The following CFHR4 variants were observed in gnomAD, a reference collection of about 807,000 sequenced individuals.
CFHR4 encodes complement factor H related 4.
CFHR4 carries 64 observed loss-of-function variants against 69.3 expected under a neutral mutation model. That is an observed-to-expected ratio of 0.92 (90% CI 0.76 to 1.14). CFHR4 has a LOEUF of 1.14. Among genes scored for constraint, CFHR4 ranks in the 50% most tolerant of loss-of-function variants. The pLI, the probability that CFHR4 is intolerant of heterozygous loss-of-function variation, is 0.00. For missense variants in CFHR4, 636 were observed against 684.9 expected (o/e 0.93, Z 0.80); for synonymous variants, 244 against 237.0 (o/e 1.03, Z -0.27).
intron 1 of CFHR4, among the ~76,000 whole-genome samples, chr1:196,899,628 G>T (rs1657490679): frequency 6.6e-6 from 1 of 151,512 alleles, no homozygotes; most frequent in South Asian, 2.1e-4. Flanking sequence ...GGTAGCTATT[G>T]TAACTGTGAA....
chr1:196,906,990 C>T lies in CFHR4; in HGVS notation c.569C>T (p.Ser190Phe). Residue 190 changes from serine (S) to phenylalanine (F), a missense_variant, in exon 4 of 10, where the codon TCC becomes TTC. Physicochemically the swap from Ser to Phe is radical, Grantham distance 155. Transcript: ENST00000608469. ...YESSYGNTTD[S>F]IVCGEDGWSH... is the part of the protein sequence containing the mutation. ...AGCAGTTATGGAAACACCACAGATT[C>T]CATAGTGTGTGGTGAAGATGGCTGG... 1 of 1,612,308 alleles carries T rather than the reference C, an allele frequency of 6.2e-7. No homozygotes were observed. The highest frequency in any genetic ancestry group is 8.5e-7 in the Non-Finnish European group (1 of 1,179,388).
rs1039940961 is a variant in CFHR4, at chr1:196,901,712, C to T, written c.59-706C>T. 1.6e-4 allele frequency among the ~76,000 whole-genome samples: 24 copies of T among 150,950 alleles called. 2 individuals are homozygous for T. The highest frequency in any genetic ancestry group is 5.6e-4 in the African/African-American group (23 of 40,844). On this transcript the variant is annotated intron_variant, in intron 1 of 9. Transcript: ENST00000608469. ...TGCTTAAACATATATGTCAAATATT[C>T]AATATACACAAATTCCTCAATAAAC... is the stretch of plus-strand genomic sequence containing the variant.
At chr1:196,903,530 G>A (rs974855620) in intron 2 of CFHR4, among the ~76,000 whole-genome samples, 2 of 151,218 alleles carry the variant, frequency 1.3e-5, no homozygotes, top group Non-Finnish European at 1.5e-5. Flanking sequence ...GCACATGCCT[G>A]TAATCCCAGC....
chr1:196,910,570 A>G, intron 6 of CFHR4, 92 bp downstream of exon 6: 1 of 1,066,362 alleles, frequency 9.4e-7, no homozygotes, highest in Non-Finnish European at 1.4e-6. Context: ...CTTATATGAC[A>G]GAGATGGTAC....
In CFHR4 at chr1:196,914,911, A is replaced by G; in HGVS notation, c.1358-45A>G. The G allele has an allele frequency of 4.4e-6, 7 of 1,593,168 alleles. 1 individual carries two copies. The East Asian group carries it at 6.7e-5, about 15-fold the overall frequency. On this transcript the variant is annotated intron_variant, in intron 8 of 9. Transcript: ENST00000608469. ...AAAAGCTTTATTTAGAAAGTTTCCA[A>G]TAAGACTATTGATTTTTCCCCACAT...
At chr1:196,899,827 T>C (rs533498587) in intron 1 of CFHR4, among the ~76,000 whole-genome samples, 1 of 151,724 alleles carries the variant, frequency 6.6e-6, no homozygotes, top group Non-Finnish European at 1.5e-5. Flanking sequence ...ATTGACTGGT[T>C]TGATGATTTA....
rs146428880 is a variant in CFHR4, at chr1:196,898,438, A to C, written c.59-3980A>C. Among the ~76,000 whole-genome samples the C allele has an allele frequency of 1.7e-3, 252 of 151,710 alleles. 9 individuals carry two copies. Among genetic ancestry groups the C allele is most frequent in the African/African-American group, 5.9e-3 (245 of 41,208 alleles). On this transcript the variant is annotated intron_variant, in intron 1 of 9. Coordinates refer to ENST00000608469, the MANE Select transcript of CFHR4 (RefSeq NM_001201550.3). ...AGTTTTGAGAAGTCTTTGCTTTCCA[A>C]AGTAGATAATTCTAAGTAGAATTTA...
rs1558249921 is a variant in CFHR4 at position 196,912,804 on chromosome 1, T to C, written c.1062T>C (p.Tyr354=). The change falls in exon 7 of 10, where the codon TAT becomes TAC. Residue 354 remains tyrosine (Y), a synonymous_variant. Coordinates refer to ENST00000608469, the MANE Select transcript of CFHR4 (RefSeq NM_001201550.3). ...TCATTTCTGAATCTTCCTCTATTTA[T>C]ATTTTAAATAAAGAAATACAATATA... ...NGFISESSSI[Y]ILNKEIQYKC... is the part of the protein sequence containing the mutation. 2 of 1,599,252 alleles carry C rather than the reference T, an allele frequency of 1.3e-6. No homozygotes were observed. Among genetic ancestry groups the C allele is most frequent in the Non-Finnish European group, 8.5e-7 (1 of 1,172,746 alleles).
rs1295433236 is a variant in CFHR4 at position 196,915,419 on chromosome 1, C to T, written c.1540+281C>T. 2.0e-4 allele frequency among the ~76,000 whole-genome samples: 30 copies of T among 151,154 alleles called. 1 individual carries two copies. Among genetic ancestry groups the T allele is most frequent in the Admixed American group, 1.4e-3 (21 of 15,162 alleles). On this transcript the variant is annotated intron_variant, in intron 9 of 9. Coordinates refer to ENST00000608469, the MANE Select transcript of CFHR4 (RefSeq NM_001201550.3). The stretch of plus-strand genomic sequence containing the variant: ...TTGGAAGGCCGAGGCAGGCAGATCA[C>T]GAGGTCAGGAGTTCGAGATCAGCCT...
intron 9 of CFHR4, 81 bp from the exon 10 acceptor site, chr1:196,918,129 T>A: frequency 1.4e-6 from 2 of 1,382,148 alleles, no homozygotes; most frequent in Non-Finnish European, 2.0e-6. Flanking sequence ...TATTTTATCC[T>A]AAACTACTCA....
chr1:196,916,807 A>T (rs997840152), intron 9 of CFHR4, among the ~76,000 whole-genome samples: 6 of 151,526 alleles, frequency 4.0e-5, no homozygotes, highest in African/African-American at 1.5e-4. Context: ...TAATTATCTG[A>T]AGATACAAGA....
chr1:196,914,725 C>T (rs1206488698), intron 8 of CFHR4, 54 bp downstream of exon 8: 14 of 1,490,540 alleles, frequency 9.4e-6, no homozygotes, highest in Admixed American at 2.2e-5. Flanking sequence ...TAATAGACAC[C>T]TACATATGTA....
rs1422659658 is a variant in CFHR4, at chr1:196,888,171, C to T, written c.21C>T (p.Val7=). The T allele has an allele frequency of 3.1e-6, 5 of 1,611,084 alleles. No individual in the cohort carries two copies. Among genetic ancestry groups the T allele is most frequent in the Non-Finnish European group, 4.2e-6 (5 of 1,178,626 alleles). ...CTAACATGTTGTTACTAATCAATGT[C>T]ATTCTGACCTTGTGGGTTTCCTGTG... MLLLIN[V]ILTLWVSCAN... The change falls in exon 1 of 10, where the codon GTC becomes GTT. Residue 7 remains valine (V), a synonymous_variant. Transcript: ENST00000608469.
intron 2 of CFHR4, among the ~76,000 whole-genome samples, chr1:196,904,390 AT>A (rs1173532115): frequency 2.6e-5 from 4 of 151,398 alleles, no homozygotes; most frequent in Non-Finnish European, 4.4e-5. Flanking sequence ...GTCCATTTAC[AT>A]TTTTTTCTAA....
intron 9 of CFHR4, among the ~76,000 whole-genome samples, chr1:196,917,643 T>C (rs961999243): frequency 1.3e-5 from 2 of 151,040 alleles, no homozygotes; most frequent in South Asian, 2.1e-4. Context: ...AGAGAGATAA[T>C]TGACAGATAT....
chr1:196,893,203 C>T (rs1261447461), intron 1 of CFHR4, among the ~76,000 whole-genome samples: 1 of 151,592 alleles, frequency 6.6e-6, no homozygotes, highest in African/African-American at 2.4e-5. Context: ...GAAATTGTAG[C>T]GTAAGAAGCA....
At chr1:196,893,984 A>T (rs1475570282) in intron 1 of CFHR4, among the ~76,000 whole-genome samples, 1 of 151,566 alleles carries the variant, frequency 6.6e-6, no homozygotes, top group East Asian at 1.9e-4. Context: ...AGATAACACA[A>T]AAATTTCTCC....
In CFHR4 at chr1:196,902,478, G is replaced by A. The variant is rs200977143; in HGVS notation, c.119G>A (p.Arg40His). 942 of 1,611,832 alleles carry A rather than the reference G, an allele frequency of 5.8e-4. 11 individuals are homozygous for A. Among genetic ancestry groups the A allele is most frequent in the Non-Finnish European group, 7.1e-4 (836 of 1,178,858 alleles). The change falls in exon 2 of 10, where the codon CGT becomes CAT. Residue 40 changes from arginine to histidine, a missense_variant. This residue lies in a region of CFHR4 where 529 missense variants were observed against 533.2 expected (regional missense o/e 0.99). Transcript: ENST00000608469. ...QHGGLYYKSL[R>H]RLYFPAAAGQ... ...GGAGGTCTATATTATAAGAGTTTGC[G>A]TAGACTATACTTTCCAGCAGCTGCA...
rs1300292559 is a variant in CFHR4, at chr1:196,918,396, G to T, written c.1727G>T (p.Arg576Ile). The T allele has an allele frequency of 6.2e-7, 1 of 1,611,282 alleles. No homozygotes were observed. ...VCREGIVEYP[R>I]CE ...AGGGAAGGCATAGTGGAATACCCCA[G>T]ATGCGAATAAGGCAGCATTGTTACC... The change falls in exon 10 of 10, where the codon AGA becomes ATA. Residue 576 changes from arginine (R) to isoleucine (I), a missense_variant. Arg to Ile is a moderately conservative substitution (Grantham distance 97, BLOSUM62 -3). Transcript: ENST00000608469.
Sources: allele counts gnomAD v4.1 joint callset (sites outside exome capture counted in the v4.1 genomes callset), GRCh38; gene constraint gnomAD v4.1.1; regional missense constraint gnomAD v4.1.1; transcripts MANE v1.5; gene names NCBI Gene and HGNC (gene_info 2026-07-23, HGNC 2026-07-21).